The following DMD variants were observed in gnomAD, a reference collection of about 807,000 sequenced individuals.
DMD encodes the protein mutant dystrophin.
A neutral mutation model predicts 330.1 loss-of-function variants in DMD; 63 were observed. The observed-to-expected ratio is 0.19, with a 90% CI of 0.16 to 0.24. The LOEUF (loss-of-function observed/expected upper bound fraction) is 0.24, where lower values mean the gene tolerates loss of function less well. Among genes scored for constraint, DMD ranks in the 10% least tolerant of loss-of-function variants. DMD has a pLI of 1.00. For missense variants in DMD, 3,344 were observed against 2,684.1 expected (o/e 1.25, Z -5.43); for synonymous variants, 1,223 against 959.8 (o/e 1.27, Z -5.07).
intron 30 of DMD, among the ~76,000 whole-genome samples, chrX:32,394,392 C>G (rs1042630253): frequency 1.8e-5 from 2 of 111,923 alleles, no homozygotes; most frequent in African/African-American, 6.5e-5. Flanking sequence ...TCAACATGTT[C>G]TGAACCTTGA....
chrX:32,868,141 C>G (rs2082661801), intron 2 of DMD, among the ~76,000 whole-genome samples: 1 of 111,833 alleles, frequency 8.9e-6, no homozygotes, highest in African/African-American at 3.3e-5. Flanking sequence ...AGCTCCCACT[C>G]CCAGCCAAGG....
intron 1 of DMD, among the ~76,000 whole-genome samples, chrX:33,100,420 G>A (rs1455896091): frequency 9.0e-6 from 1 of 111,601 alleles, no homozygotes; most frequent in Admixed American, 9.6e-5. Flanking sequence ...AGCCGGGCAC[G>A]GTGGCTCACG....
chrX:32,007,385 T>A (rs1795587), intron 44 of DMD, among the ~76,000 whole-genome samples: 2 of 108,128 alleles, frequency 1.8e-5, no homozygotes, highest in Non-Finnish European at 3.8e-5. Flanking sequence ...GGAAGAATTC[T>A]TCCCCAGAGC....
At chrX:31,721,685 A>ACTCTCT (rs767300805) in intron 52 of DMD, among the ~76,000 whole-genome samples, 1,137 of 39,000 alleles carry the variant, frequency 0.029, 12 homozygotes, top group African/African-American at 0.063. Flanking sequence ...TCTCTCTCTC[A>ACTCTCT]CTCTCTCTCT....
chrX:31,338,943 C>CAAAAAAAAA (rs151110457), intron 61 of DMD, among the ~76,000 whole-genome samples: 5 of 64,165 alleles, frequency 7.8e-5, no homozygotes, highest in Non-Finnish European at 8.7e-5. Flanking sequence ...CATCTATGCA[C>CAAAAAAAAA]AAAAAAAAAA....
At chrX:33,133,161 G>A (rs915054548) in intron 1 of DMD, among the ~76,000 whole-genome samples, 1 of 110,962 alleles carries the variant, frequency 9.0e-6, no homozygotes, top group Non-Finnish European at 1.9e-5. Flanking sequence ...CCAAAGATCT[G>A]GCTACAATAA....
intron 6 of DMD, among the ~76,000 whole-genome samples, chrX:32,814,034 G>T (rs1418676296): frequency 2.7e-5 from 3 of 111,353 alleles, no homozygotes; most frequent in Non-Finnish European, 5.7e-5. Context: ...AGGAACCAAA[G>T]TACAAGTAGC....
intron 1 of DMD, among the ~76,000 whole-genome samples, chrX:33,047,873 T>A (rs1010131791): frequency 1.8e-4 from 20 of 112,251 alleles, no homozygotes; most frequent in African/African-American, 5.8e-4. Flanking sequence ...TCTGTGAATT[T>A]CATTCCAAAA....
At chrX:31,669,824 T>A (rs753045156) in intron 53 of DMD, among the ~76,000 whole-genome samples, 16 of 103,548 alleles carry the variant, frequency 1.5e-4, no homozygotes, top group Non-Finnish European at 2.7e-4. Context: ...AATGGTAGGA[T>A]CCACTTGTCA....
chrX:31,508,201 A>G, intron 55 of DMD: 1 of 1,193,796 alleles, frequency 8.4e-7, no homozygotes, highest in South Asian at 1.8e-5. Context: ...TAGTAGAAGA[A>G]TCTGACCTTT....
chrX:32,820,846 A>C (rs990462426), intron 5 of DMD, among the ~76,000 whole-genome samples: 5 of 112,022 alleles, frequency 4.5e-5, no homozygotes, highest in African/African-American at 1.6e-4. Flanking sequence ...ATAAAGGAGG[A>C]AGCATGGGTG....
intron 27 of DMD, among the ~76,000 whole-genome samples, chrX:32,443,701 G>A (rs1322599389): frequency 9.0e-6 from 1 of 111,030 alleles, no homozygotes; most frequent in Non-Finnish European, 1.9e-5. Context: ...GGTCACCTTT[G>A]CAAAATAAAA....
chrX:33,071,422 T>TAA lies in DMD; in HGVS notation c.32-51224_32-51223dup, dbSNP rs747432653. On this transcript the variant is annotated intron_variant, in intron 1 of 78. Coordinates refer to ENST00000357033, the MANE Select transcript of DMD (RefSeq NM_004006.3). The stretch of plus-strand genomic sequence containing the variant: ...CAACAGAGTGAGACTCTGTCCTGAT[T>TAA]AAAAAAAAAAAAAAAAAAAAGGATA... Among the ~76,000 whole-genome samples the TAA allele has an allele frequency of 2.0e-3, 141 of 71,076 alleles. 1 individual carries two copies. Among genetic ancestry groups the TAA allele is most frequent in the African/African-American group, 6.1e-3 (117 of 19,261 alleles). The allele number at this position is 71,076 out of a possible 115,157, so 61.7% of individuals were successfully genotyped here.
intron 55 of DMD, among the ~76,000 whole-genome samples, chrX:31,595,505 G>A (rs1330998431): frequency 9.0e-6 from 1 of 111,157 alleles, no homozygotes; most frequent in Non-Finnish European, 1.9e-5. Context: ...ACATTGAGTA[G>A]TGCTTTCGGC....
intron 30 of DMD, among the ~76,000 whole-genome samples, chrX:32,400,033 G>A (rs2098074960): frequency 9.0e-6 from 1 of 111,304 alleles, no homozygotes; most frequent in Non-Finnish European, 1.9e-5. Context: ...CCTGTCTTGT[G>A]CCAGTTTTCA....
chrX:33,230,071 AT>A (rs1297168440), intron 1 of DMD, among the ~76,000 whole-genome samples: 2 of 112,258 alleles, frequency 1.8e-5, no homozygotes, highest in Non-Finnish European at 3.8e-5. Flanking sequence ...TAAAATTATG[AT>A]TTAGAAAAGA....
chrX:32,672,913 G>T (rs1205050646), intron 9 of DMD, among the ~76,000 whole-genome samples: 1 of 110,789 alleles, frequency 9.0e-6, no homozygotes. Flanking sequence ...CCAGAATCCT[G>T]CCATTCCTTT....
chrX:33,055,598 T>C (rs2094507595), intron 1 of DMD, among the ~76,000 whole-genome samples: 2 of 112,262 alleles, frequency 1.8e-5, no homozygotes, highest in South Asian at 7.4e-4. Context: ...TGGCAATCAA[T>C]TGGGGAAATG....
chrX:33,270,157 T>G (rs770502851), intron 1 of DMD, among the ~76,000 whole-genome samples: 42 of 110,811 alleles, frequency 3.8e-4, no homozygotes, highest in Admixed American at 3.7e-3. Flanking sequence ...GGTCCTTATT[T>G]TTTTCATATA....
Sources: gnomAD v4.1 joint callset for allele counts (sites outside exome capture counted in the v4.1 genomes callset) on GRCh38, gnomAD v4.1.1 for gene constraint, MANE v1.5 for transcripts, NCBI Gene and HGNC (gene_info 2026-07-23, HGNC 2026-07-21) for gene names.